The following MBNL2 variants were observed in gnomAD, a reference collection of about 807,000 sequenced individuals.
MBNL2 encodes muscleblind-like protein 2.
MBNL2 carries 17 observed loss-of-function variants against 41.9 expected under a neutral mutation model. The observed-to-expected ratio is 0.41, with a 90% CI of 0.28 to 0.61. The LOEUF is 0.61. Among genes scored for constraint, MBNL2 ranks in the 20% least tolerant of loss-of-function variants. The probability of loss-of-function intolerance (pLI) is 0.35; values close to 1 mark genes in which losing one functional copy is unlikely to be tolerated. For missense variants in MBNL2, 336 were observed against 505.6 expected, an observed-to-expected ratio of 0.66 and a Z score of 3.22; for synonymous variants, 195 against 182.9, an observed-to-expected ratio of 1.07 and a Z score of -0.53.
chr13:97,206,642 A>G, the MBNL2 span, among the ~76,000 whole-genome samples: 16 of 152,184 alleles, frequency 1.1e-4, no homozygotes, highest in African/African-American at 3.9e-4. Flanking sequence ...GACCCCAGGC[A>G]ATGGCACATG....
chr13:97,305,168 A>C (rs938321197), intron 2 of MBNL2, among the ~76,000 whole-genome samples: 18 of 152,212 alleles, frequency 1.2e-4, no homozygotes, highest in African/African-American at 4.3e-4. Flanking sequence ...TTGACTTCTT[A>C]TCAGGAGTTC....
At chr13:97,161,979 G>A in the MBNL2 span, among the ~76,000 whole-genome samples, 1 of 152,212 alleles carries the variant, frequency 6.6e-6, no homozygotes, top group African/African-American at 2.4e-5. Context: ...AAGAAAAGAG[G>A]TTTAATTGGC....
the MBNL2 span, among the ~76,000 whole-genome samples, chr13:97,176,929 T>C: frequency 0.011 from 1,612 of 152,090 alleles, 42 homozygotes; most frequent in African/African-American, 0.036. Flanking sequence ...CCACAGACAA[T>C]AGAGAAAATT....
intron 1 of MBNL2, among the ~76,000 whole-genome samples, chr13:97,249,239 A>G (rs1318845307): frequency 1.3e-5 from 2 of 152,186 alleles, no homozygotes; most frequent in Non-Finnish European, 2.9e-5. Flanking sequence ...TTGCATTTTA[A>G]GATGTTCAGT....
intron 1 of MBNL2, among the ~76,000 whole-genome samples, chr13:97,244,832 T>A (rs1394094830): frequency 6.6e-6 from 1 of 152,180 alleles, no homozygotes; most frequent in Non-Finnish European, 1.5e-5. Context: ...TCCACTACTA[T>A]AGAAAATGAA....
In MBNL2 at chr13:97,270,459, A is replaced by G. The variant is rs369639138; in HGVS notation, c.-604-5173A>G. Among the ~76,000 whole-genome samples, 53 of 152,236 alleles carry G rather than the reference A, an allele frequency of 3.5e-4. No individual in the cohort carries two copies. The East Asian group carries it at 9.4e-3, about 27-fold the overall frequency. On this transcript the variant is annotated intron_variant, in intron 1 of 8. Transcript: ENST00000679496. ...TTTTCATTGGCAGTACTCCATCTGT[A>G]TGTAGGTTTCATAAAATTTAAAATT...
At chr13:97,339,873 GC>G (rs370363482) in intron 3 of MBNL2, among the ~76,000 whole-genome samples, 3,433 of 107,628 alleles carry the variant, frequency 0.032, 191 homozygotes, top group African/African-American at 0.073. Flanking sequence ...TTGTGTGTGG[GC>G]GGGGGGGGCG....
chr13:97,144,528 C>T, the MBNL2 span, among the ~76,000 whole-genome samples: 1 of 149,470 alleles, frequency 6.7e-6, no homozygotes, highest in East Asian at 2.0e-4. Context: ...CTCCCGGGTT[C>T]AAGCAATTCT....
In MBNL2 at chr13:97,301,957, G is replaced by A. The variant is rs748111619; in HGVS notation, c.174+25548G>A. On this transcript the variant is annotated intron_variant, in intron 2 of 8. Transcript: ENST00000679496. ...GCTCTACTCCTCTCAGATTTCTTCC[G>A]GTTGGATACTTGCTCAGCTCTTCAT... is the stretch of plus-strand genomic sequence containing the variant. Among the ~76,000 whole-genome samples the A allele has an allele frequency of 2.9e-4, 44 of 152,202 alleles. 1 individual carries two copies. The Middle Eastern group carries it at 0.01, about 35-fold the overall frequency.
chr13:97,369,559 C>T (rs2064167698), intron 8 of MBNL2, among the ~76,000 whole-genome samples: 1 of 152,168 alleles, frequency 6.6e-6, no homozygotes. Context: ...TTAATTTGAT[C>T]AATTCAGACT....
At chr13:97,322,522 T>C (rs2059590913) in intron 2 of MBNL2, among the ~76,000 whole-genome samples, 1 of 152,258 alleles carries the variant, frequency 6.6e-6, no homozygotes, top group South Asian at 2.1e-4. Flanking sequence ...TTTCAACATA[T>C]ACTATTTTCC....
chr13:97,292,742 CT>C (rs1375633418), intron 2 of MBNL2, among the ~76,000 whole-genome samples: 2 of 152,026 alleles, frequency 1.3e-5, no homozygotes, highest in African/African-American at 2.4e-5. Flanking sequence ...AGTAACTGTA[CT>C]TCTTGATACA....
chr13:97,250,923 G>A (rs1225180431), intron 1 of MBNL2, among the ~76,000 whole-genome samples: 4 of 152,018 alleles, frequency 2.6e-5, no homozygotes, highest in Non-Finnish European at 5.9e-5. Context: ...TTATTGTAAG[G>A]GGTTACTTCT....
At chr13:97,225,799 G>A (rs2041508473) in intron 1 of MBNL2, among the ~76,000 whole-genome samples, 1 of 152,176 alleles carries the variant, frequency 6.6e-6, no homozygotes, top group Admixed American at 6.5e-5. Context: ...AGAAAGGCAG[G>A]AAATAGCTGC....
intron 1 of MBNL2, among the ~76,000 whole-genome samples, chr13:97,263,266 CTGCCAACCTTTTCAATTCTAATG>C (rs951049701): frequency 5.9e-5 from 9 of 152,202 alleles, no homozygotes; most frequent in African/African-American, 2.2e-4. Context: ...TTCCCCTCCC[CTGCCAACCTTTTCAATTCTAATG>C]TATCCTAGGT....
chr13:97,331,638 TG>T, intron 2 of MBNL2, among the ~76,000 whole-genome samples: 1 of 152,302 alleles, frequency 6.6e-6, no homozygotes, highest in East Asian at 1.9e-4. Context: ...TATATGGCCT[TG>T]GGAAAGTTTC....
At chr13:97,231,075 T>A (rs2042313803) in intron 1 of MBNL2, among the ~76,000 whole-genome samples, 1 of 152,226 alleles carries the variant, frequency 6.6e-6, no homozygotes, top group Admixed American at 6.5e-5. Flanking sequence ...TTGACACTTG[T>A]CATCCTGTTC....
intron 8 of MBNL2, among the ~76,000 whole-genome samples, chr13:97,387,342 G>A (rs1042456684): frequency 6.6e-6 from 1 of 152,154 alleles, no homozygotes; most frequent in African/African-American, 2.4e-5. Context: ...TCCATCTGGA[G>A]GAGCCCTGGG....
intron 3 of MBNL2, among the ~76,000 whole-genome samples, chr13:97,342,736 G>C (rs2061533977): frequency 6.6e-6 from 1 of 152,180 alleles, no homozygotes; most frequent in Non-Finnish European, 1.5e-5. Context: ...TGAGTAATTA[G>C]AGTTGAAATT....
Sources: allele counts gnomAD v4.1 joint callset (sites outside exome capture counted in the v4.1 genomes callset), GRCh38; gene constraint gnomAD v4.1.1; transcripts MANE v1.5; gene names NCBI Gene and HGNC (gene_info 2026-07-23, HGNC 2026-07-21).